The following SIRPG variants were observed in gnomAD, a reference collection of about 807,000 sequenced individuals.
SIRPG encodes the protein signal-regulatory protein gamma.
In SIRPG, 38 loss-of-function variants were observed where a neutral mutation model predicts 35.7. The ratio of observed to expected loss-of-function variants is 1.06; its 90% CI spans 0.82 to 1.40. The LOEUF is 1.40. Among genes scored for constraint, SIRPG ranks in the 40% most tolerant of loss-of-function variants. The probability of loss-of-function intolerance (pLI) is 0.00; values close to 1 mark genes in which losing one functional copy is unlikely to be tolerated. For missense variants in SIRPG, 519 were observed against 483.0 expected (o/e 1.07, Z -0.70); for synonymous variants, 215 against 190.4 (o/e 1.13, Z -1.06).
chr20:1,644,714 C>A (rs963210795), intron 2 of SIRPG, among the ~76,000 whole-genome samples: 37 of 152,324 alleles, frequency 2.4e-4, no homozygotes, highest in Admixed American at 2.0e-3. Flanking sequence ...ATCTCCCGAT[C>A]TGAGGGTTGC....
the SIRPG span, among the ~76,000 whole-genome samples, chr20:1,677,565 G>A: frequency 0.24 from 36,683 of 152,014 alleles, 5,194 homozygotes; most frequent in East Asian, 0.59. Flanking sequence ...ATTGTTTTAA[G>A]CCCCTGGGAA....
chr20:1,668,604 A>C, the SIRPG span, among the ~76,000 whole-genome samples: 1 of 152,168 alleles, frequency 6.6e-6, no homozygotes, highest in Non-Finnish European at 1.5e-5. Flanking sequence ...ATTTTACCAA[A>C]AAATTAAAGA....
chr20:1,632,805 A>G (rs375039590), intron 4 of SIRPG, among the ~76,000 whole-genome samples: 8 of 152,178 alleles, frequency 5.3e-5, no homozygotes, highest in African/African-American at 1.9e-4. Flanking sequence ...AAAGAGCAAA[A>G]GCCTCAAGTC....
the SIRPG span, among the ~76,000 whole-genome samples, chr20:1,678,967 C>T: frequency 1.3e-5 from 2 of 152,176 alleles, no homozygotes; most frequent in African/African-American, 4.8e-5. Flanking sequence ...AACCTATCAA[C>T]CAAGAACTCT....
chr20:1,655,201 A>T (rs1379035806), intron 1 of SIRPG, among the ~76,000 whole-genome samples: 1 of 152,234 alleles, frequency 6.6e-6, no homozygotes, highest in Non-Finnish European at 1.5e-5. Flanking sequence ...AAATGACATC[A>T]GCATGTCACA....
At chr20:1,674,886 T>C in the SIRPG span, among the ~76,000 whole-genome samples, 1 of 152,148 alleles carries the variant, frequency 6.6e-6, no homozygotes, top group Non-Finnish European at 1.5e-5. Context: ...AAACTGAGGC[T>C]GAGAGAAATG....
the SIRPG span, among the ~76,000 whole-genome samples, chr20:1,667,015 G>A: frequency 2.0e-5 from 3 of 151,906 alleles, no homozygotes; most frequent in African/African-American, 7.3e-5. Flanking sequence ...GAGCTCAAGT[G>A]ATACTCCCAC....
chr20:1,646,884 T>A (rs1202994199), intron 2 of SIRPG: 1 of 152,212 alleles, frequency 6.6e-6, no homozygotes, highest in Non-Finnish European at 1.5e-5. Context: ...TGACCTCAGG[T>A]GATCCACCCA....
intron 1 of SIRPG, 93 bp downstream of exon 1, chr20:1,657,549 G>A: frequency 8.0e-7 from 1 of 1,245,900 alleles, no homozygotes; most frequent in Non-Finnish European, 1.2e-6. Context: ...TTCCTTGGCA[G>A]TGCTTGTGCT....
the SIRPG span, among the ~76,000 whole-genome samples, chr20:1,672,034 G>A: frequency 6.6e-6 from 1 of 152,158 alleles, no homozygotes; most frequent in African/African-American, 2.4e-5. Context: ...AACAAGAGAG[G>A]GCATTTACAG....
At chr20:1,670,921 T>G in the SIRPG span, 1 of 326,518 alleles carries the variant, frequency 3.1e-6, no homozygotes, top group Non-Finnish European at 6.2e-6. Context: ...ACAAAGAGGG[T>G]CCCCCTGTAA....
chr20:1,675,031 T>C, the SIRPG span, among the ~76,000 whole-genome samples: 7 of 152,170 alleles, frequency 4.6e-5, no homozygotes, highest in Non-Finnish European at 7.3e-5. Context: ...ATTGTCCCTT[T>C]GAGATTCTTG....
the SIRPG span, among the ~76,000 whole-genome samples, chr20:1,673,972 T>A: frequency 2.6e-5 from 4 of 152,310 alleles, no homozygotes; most frequent in Non-Finnish European, 4.4e-5. Flanking sequence ...CCCTAAGGCC[T>A]GCTCCATGGG....
rs113331357 is a variant in SIRPG at position 1,639,200 on chromosome 20, T to C, written c.431-2695A>G. Among the ~76,000 whole-genome samples the C allele has an allele frequency of 1.2e-3, 177 of 152,288 alleles. 1 individual carries two copies. The highest frequency in any genetic ancestry group is 4.0e-3 in the African/African-American group (167 of 41,560). ...TGATCCTTAAGGAGTCACCACACTG[T>C]CTTCCACAATCGTTGAACTAATTTA... On this transcript the variant is annotated intron_variant, in intron 2 of 5. Transcript: ENST00000303415.
chr20:1,638,698 C>G (rs2091824290), intron 2 of SIRPG, among the ~76,000 whole-genome samples: 1 of 152,216 alleles, frequency 6.6e-6, no homozygotes, highest in South Asian at 2.1e-4. Flanking sequence ...GTTTGCTGCA[C>G]TTATCAACCC....
chr20:1,641,994 G>A, intron 2 of SIRPG, among the ~76,000 whole-genome samples: 1 of 152,172 alleles, frequency 6.6e-6, no homozygotes. Flanking sequence ...CATTTGCTGA[G>A]GAGTGTTTTA....
At chr20:1,666,932 C>A in the SIRPG span, among the ~76,000 whole-genome samples, 11 of 150,430 alleles carry the variant, frequency 7.3e-5, no homozygotes, top group Non-Finnish European at 1.6e-4. Context: ...TTTTTTTGGA[C>A]AAAGAGACTT....
intron 4 of SIRPG, chr20:1,633,761 GT>G (rs1320267823): frequency 6.6e-6 from 1 of 152,206 alleles, no homozygotes; most frequent in African/African-American, 2.4e-5. Context: ...GTCTCCTGGA[GT>G]TGAGACTCCT....
chr20:1,638,853 G>C (rs961701215), intron 2 of SIRPG, among the ~76,000 whole-genome samples: 2 of 143,262 alleles, frequency 1.4e-5, no homozygotes, highest in Non-Finnish European at 1.5e-5. Context: ...TCCCACTTAT[G>C]AGTGAGAACA....
Sources: allele counts gnomAD v4.1 joint callset (sites outside exome capture counted in the v4.1 genomes callset), GRCh38; gene constraint gnomAD v4.1.1; transcripts MANE v1.5; gene names NCBI Gene and HGNC (gene_info 2026-07-23, HGNC 2026-07-21).